NCOA2: variants seen among roughly 807,000 people sequenced by gnomAD.
The protein encoded by NCOA2 is class E basic helix-loop-helix protein 75.
NCOA2 carries 21 observed loss-of-function variants against 145.1 expected under a neutral mutation model. That is an observed-to-expected ratio of 0.14 (90% CI 0.10 to 0.21). The LOEUF is 0.21. NCOA2 is among the 10% of genes least tolerant of loss of function. The probability of loss-of-function intolerance (pLI) is 1.00; values close to 1 mark genes in which losing one functional copy is unlikely to be tolerated. For missense variants in NCOA2, 1,472 were observed against 1,837.6 expected (o/e 0.80, Z 3.64); for synonymous variants, 619 against 637.5 (o/e 0.97, Z 0.44).
intron 2 of NCOA2, among the ~76,000 whole-genome samples, chr8:70,222,689 A>G (rs1820258649): frequency 6.6e-6 from 1 of 152,214 alleles, no homozygotes; most frequent in African/African-American, 2.4e-5. Flanking sequence ...TCTTTAACAC[A>G]TGCTGCAATA....
chr8:70,246,165 T>C (rs1822602457), intron 2 of NCOA2, among the ~76,000 whole-genome samples: 1 of 152,122 alleles, frequency 6.6e-6, no homozygotes, highest in Admixed American at 6.6e-5. Flanking sequence ...ACACAGAGGC[T>C]GCTCCATGTT....
chr8:70,409,414 A>G, the NCOA2 span, among the ~76,000 whole-genome samples: 1 of 152,350 alleles, frequency 6.6e-6, no homozygotes, highest in South Asian at 2.1e-4. Flanking sequence ...CTTATAGTCA[A>G]TGAATTTTGT....
chr8:70,244,943 C>T (rs955517017), intron 2 of NCOA2: 7 of 152,202 alleles, frequency 4.6e-5, no homozygotes, highest in African/African-American at 1.4e-4. Flanking sequence ...CACATCCAAT[C>T]CACAAGCACA....
At chr8:70,429,839 C>T in the NCOA2 span, among the ~76,000 whole-genome samples, 4 of 152,000 alleles carry the variant, frequency 2.6e-5, no homozygotes, top group Admixed American at 6.6e-5. Context: ...GTTAAAGGAC[C>T]TTTGCTTTTG....
chr8:70,386,649 A>T (rs1156341982), intron 1 of NCOA2, among the ~76,000 whole-genome samples: 6 of 152,224 alleles, frequency 3.9e-5, no homozygotes, highest in Admixed American at 1.3e-4. Flanking sequence ...AAAAATTTTT[A>T]AAAAATTAAC....
Position 70,110,878 on chromosome 8 carries a change from T to C in NCOA2, c.*2754A>G, listed in dbSNP as rs768145747. Reference sequence around the variant, plus strand: ...AACCAAGTTAATGTATGTATACTTTTCACATTATGTTTTTCACATTTAGTA... The same window carrying C: ...AACCAAGTTAATGTATGTATACTTTCCACATTATGTTTTTCACATTTAGTA... On this transcript the variant is annotated 3_prime_UTR_variant, in exon 23 of 23. Coordinates refer to ENST00000452400, the MANE Select transcript of NCOA2 (RefSeq NM_006540.4). 9.0e-6 allele frequency: 2 copies of C among 221,124 alleles called. No individual in the cohort carries two copies. The highest frequency in any genetic ancestry group is 1.8e-5 in the Non-Finnish European group (2 of 110,636). The allele number at this position is 221,124 out of a possible 1,614,324, so 13.7% of individuals were successfully genotyped here.
rs190901882 is a variant in NCOA2, at chr8:70,343,240, T to C, written c.-76-46440A>G. Among the ~76,000 whole-genome samples, 14 of 152,270 alleles carry C rather than the reference T, an allele frequency of 9.2e-5. No homozygotes were observed. In the East Asian group the frequency reaches 2.5e-3, roughly 27 times the overall value. On this transcript the variant is annotated intron_variant, in intron 1 of 22. Transcript: ENST00000452400. ...CTTGCATTCTAATAAATGAAATCAGTGTAAAATTTCTACTTATGCCTTTTC... is the reference window on the plus strand; with the variant it reads ...CTTGCATTCTAATAAATGAAATCAGCGTAAAATTTCTACTTATGCCTTTTC...
intron 1 of NCOA2, among the ~76,000 whole-genome samples, chr8:70,324,548 T>C (rs55721031): frequency 0.07 from 10,573 of 151,968 alleles, 1,229 homozygotes; most frequent in African/African-American, 0.24. Context: ...CACTATGTTG[T>C]CAAGGCTGGT....
chr8:70,126,014 A>C (rs1430157742), intron 19 of NCOA2, among the ~76,000 whole-genome samples: 2 of 152,244 alleles, frequency 1.3e-5, no homozygotes, highest in African/African-American at 4.8e-5. Context: ...GCTTAAGATC[A>C]TATAGAAAAA....
chr8:70,411,634 A>C, the NCOA2 span, among the ~76,000 whole-genome samples: 1 of 152,232 alleles, frequency 6.6e-6, no homozygotes, highest in African/African-American at 2.4e-5. Flanking sequence ...TGTTCAATGG[A>C]ATACTATACT....
At chr8:70,167,497 T>C (rs1813750098) in intron 6 of NCOA2, among the ~76,000 whole-genome samples, 1 of 152,184 alleles carries the variant, frequency 6.6e-6, no homozygotes, top group African/African-American at 2.4e-5. Context: ...CTTTACTAAC[T>C]ACTCCCCCAT....
At position 70,146,088 on chromosome 8, in the gene NCOA2, T is replaced by A. The variant is rs1206200540; in HGVS notation, c.2606-1240A>T. 2.0e-5 allele frequency among the ~76,000 whole-genome samples: 3 copies of A among 152,332 alleles called. No homozygotes were observed. In the East Asian group the frequency reaches 5.8e-4, roughly 29 times the overall value. ...CAAACCTATACATACATGGTTTGGA[T>A]ATTAGAACATCACTTCTTAACTGGG... On this transcript the variant is annotated intron_variant, in intron 12 of 22. Coordinates refer to ENST00000452400, the MANE Select transcript of NCOA2 (RefSeq NM_006540.4).
At chr8:70,264,538 C>G (rs1257721054) in intron 2 of NCOA2, among the ~76,000 whole-genome samples, 1 of 152,094 alleles carries the variant, frequency 6.6e-6, no homozygotes, top group East Asian at 1.9e-4. Context: ...AAATGTCAAC[C>G]TATATACTTC....
upstream of NCOA2, among the ~76,000 whole-genome samples, chr8:70,406,256 C>G (rs1277730485): frequency 1.3e-5 from 2 of 152,130 alleles, no homozygotes; most frequent in African/African-American, 4.8e-5. Flanking sequence ...TCTTCCAATC[C>G]CTTGCTCATA....
At chr8:70,217,023 C>T (rs1177365944) in intron 2 of NCOA2, among the ~76,000 whole-genome samples, 2 of 152,178 alleles carry the variant, frequency 1.3e-5, no homozygotes, top group Non-Finnish European at 1.5e-5. Flanking sequence ...TCTTTAAACA[C>T]GAGTTGTATT....
At chr8:70,206,777 C>T (rs1387247475) in intron 4 of NCOA2, among the ~76,000 whole-genome samples, 13 of 152,168 alleles carry the variant, frequency 8.5e-5, no homozygotes, top group Admixed American at 7.2e-4. Context: ...CAGTCTGACC[C>T]GGCACACACC....
Position 70,372,840 on chromosome 8 carries a change from T to G in NCOA2, c.-77+30860A>C, listed in dbSNP as rs190204062. 6.6e-5 allele frequency among the ~76,000 whole-genome samples: 10 copies of G among 152,336 alleles called. No individual in the cohort carries two copies. The East Asian group carries it at 1.9e-3, about 29-fold the overall frequency. The stretch of plus-strand genomic sequence containing the variant: ...CTACCACTACAGCTTACTTTGTCCC[T>G]GTTCTTAAGATTCATATGAAAGGAA... On this transcript the variant is annotated intron_variant, in intron 1 of 22. Transcript: ENST00000452400.
chr8:70,409,286 A>T, the NCOA2 span, among the ~76,000 whole-genome samples: 1 of 152,218 alleles, frequency 6.6e-6, no homozygotes, highest in Non-Finnish European at 1.5e-5. Context: ...AATGACTTAC[A>T]CTGCCAGCTT....
intron 1 of NCOA2, among the ~76,000 whole-genome samples, chr8:70,374,244 G>A (rs1316910398): frequency 4.6e-5 from 7 of 152,118 alleles, no homozygotes; most frequent in African/African-American, 1.7e-4. Context: ...GGCTGAGGTG[G>A]GCGGATCACC....
Sources: allele counts gnomAD v4.1 joint callset (sites outside exome capture counted in the v4.1 genomes callset), GRCh38; gene constraint gnomAD v4.1.1; transcripts MANE v1.5; gene names NCBI Gene and HGNC (gene_info 2026-07-23, HGNC 2026-07-21).